The following PUDP variants were observed in gnomAD, a reference collection of about 807,000 sequenced individuals.
The protein encoded by PUDP is pseudouridine 5'-phosphatase, also known as pseudouridine-5'-phosphatase.
A neutral mutation model predicts 9.4 loss-of-function variants in PUDP; 8 were observed. The ratio of observed to expected loss-of-function variants is 0.85; its 90% CI spans 0.50 to 1.53. PUDP has a LOEUF of 1.53. PUDP is among the 40% of genes most tolerant of loss of function. The pLI, the probability that PUDP is intolerant of heterozygous loss-of-function variation, is 0.00. For synonymous variants in PUDP, 99 were observed against 80.7 expected, an observed-to-expected ratio of 1.23 and a Z score of -1.22; for missense variants, 188 against 189.7, an observed-to-expected ratio of 0.99 and a Z score of 0.05.
intron 3 of PUDP, among the ~76,000 whole-genome samples, chrX:7,070,032 C>G (rs1422895557): frequency 8.9e-6 from 1 of 112,051 alleles, no homozygotes; most frequent in African/African-American, 3.2e-5. Flanking sequence ...TATGTAAATA[C>G]AAATCTATCT....
At chrX:6,872,700 A>G (rs1927194016) in intron 3 of PUDP, among the ~76,000 whole-genome samples, 1 of 90,417 alleles carries the variant, frequency 1.1e-5, no homozygotes, top group Admixed American at 1.4e-4. Flanking sequence ...TTCCATTAAA[A>G]AAAAAAAAAA....
chrX:6,810,055 G>C (rs965952081), intron 3 of PUDP, among the ~76,000 whole-genome samples: 10 of 103,928 alleles, frequency 9.6e-5, no homozygotes, highest in Non-Finnish European at 1.4e-4. Flanking sequence ...ACTCCAACCT[G>C]AAGAACAGAG....
intron 3 of PUDP, among the ~76,000 whole-genome samples, chrX:6,868,515 A>T (rs7473333): frequency 0.093 from 10,363 of 111,814 alleles, 606 homozygotes; most frequent in East Asian, 0.46. Context: ...TCATAACAAT[A>T]TTTTCCATCA....
intron 3 of PUDP, among the ~76,000 whole-genome samples, chrX:6,787,341 GTC>G (rs1283212502): frequency 3.1e-4 from 35 of 112,189 alleles, no homozygotes; most frequent in African/African-American, 9.4e-4. Flanking sequence ...AAACATCTGT[GTC>G]TCTGCTATTG....
At chrX:6,756,468 G>A (rs982238677) in intron 3 of PUDP, among the ~76,000 whole-genome samples, 7 of 112,348 alleles carry the variant, frequency 6.2e-5, no homozygotes, top group African/African-American at 2.3e-4. Context: ...CCTTCTTTTG[G>A]GAATGCTGAA....
At chrX:6,731,267 C>T (rs1432958617) in intron 3 of PUDP, among the ~76,000 whole-genome samples, 1 of 111,165 alleles carries the variant, frequency 9.0e-6, no homozygotes, top group Non-Finnish European at 1.9e-5. Context: ...GAGACAAGGT[C>T]TTGCTATGTT....
chrX:6,768,118 G>T (rs185069223), intron 3 of PUDP, among the ~76,000 whole-genome samples: 314 of 111,935 alleles, frequency 2.8e-3, no homozygotes, highest in Non-Finnish European at 4.8e-3. Flanking sequence ...TGGAATTTTA[G>T]GTAGCTCTAC....
intron 1 of PUDP, among the ~76,000 whole-genome samples, chrX:6,710,401 G>A (rs1280848494): frequency 1.8e-5 from 2 of 111,103 alleles, no homozygotes; most frequent in African/African-American, 3.3e-5. Flanking sequence ...TGAAGACCTC[G>A]CCACCCTTCC....
intron 1 of PUDP, chrX:7,113,067 C>T (rs1445966115): frequency 6.2e-5 from 7 of 112,972 alleles, no homozygotes; most frequent in African/African-American, 2.3e-4. Flanking sequence ...CTTGCTTGCA[C>T]TTCCTTCTGC....
chrX:7,142,261 C>CATTCATG (rs1192898515), intron 1 of PUDP, among the ~76,000 whole-genome samples: 22 of 112,599 alleles, frequency 2.0e-4, no homozygotes, highest in Non-Finnish European at 3.6e-4. Context: ...CCATTCACAA[C>CATTCATG]ATTCATGATC....
At position 6,940,423 on chromosome X, in the gene PUDP, G is replaced by C. The variant is rs372669097; in HGVS notation, c.*247+36710C>G. Among the ~76,000 whole-genome samples, 7 of 112,480 alleles carry C rather than the reference G, an allele frequency of 6.2e-5. No individual in the cohort carries two copies. In the East Asian group the frequency reaches 1.7e-3, roughly 27 times the overall value. ...TTGAGGCAATTACAGGTGTTGATGG[G>C]AATCAGCAACATCAGGCCAGAGTGA... On this transcript the variant is annotated intron_variant and NMD_transcript_variant, in intron 3 of 3. Transcript: ENST00000655425.
chrX:7,138,909 T>TTTTTA, intron 1 of PUDP, among the ~76,000 whole-genome samples: 1 of 63,265 alleles, frequency 1.6e-5, no homozygotes, highest in East Asian at 5.3e-4. Flanking sequence ...AGATCTTTTT[T>TTTTTA]AATACAGTCT....
chrX:7,091,028 T>C (rs189549012), intron 2 of PUDP, among the ~76,000 whole-genome samples: 1 of 111,982 alleles, frequency 8.9e-6, no homozygotes, highest in East Asian at 2.8e-4. Flanking sequence ...AGTTTTACGT[T>C]GATATGAGAA....
chrX:7,114,604 C>T (rs1408780535), intron 1 of PUDP, among the ~76,000 whole-genome samples: 1 of 111,248 alleles, frequency 9.0e-6, no homozygotes, highest in Non-Finnish European at 1.9e-5. Flanking sequence ...CACAGCAGGC[C>T]CTACCCCAGA....
chrX:6,893,950 G>A (rs1001098632), intron 3 of PUDP, among the ~76,000 whole-genome samples: 5 of 111,659 alleles, frequency 4.5e-5, no homozygotes, highest in East Asian at 2.8e-4. Context: ...CCTTTGCAGC[G>A]ACATGAATGA....
rs747364295 is a variant in PUDP at position 6,809,410 on chromosome X, A to G, written c.*248-102944T>C. ...ACTCCTATGCTCAAGGGAGCATAGG[A>G]GTTTGCTCCCCAGTAGCTGGGACTA... is the stretch of plus-strand genomic sequence containing the variant. On this transcript the variant is annotated intron_variant and NMD_transcript_variant, in intron 3 of 3. Transcript: ENST00000655425. Among the ~76,000 whole-genome samples the G allele has an allele frequency of 2.8e-5, 3 of 109,072 alleles. No individual in the cohort carries two copies. In the South Asian group the frequency reaches 1.2e-3, roughly 45 times the overall value. 94.7% of individuals were successfully genotyped at this position (109,072 alleles called of 115,157 possible). A position where few individuals can be genotyped will look rare whatever the true frequency, so the allele number is the denominator to read the frequency against.
At chrX:6,732,514 A>G (rs1012383690) in intron 3 of PUDP, among the ~76,000 whole-genome samples, 3 of 106,154 alleles carry the variant, frequency 2.8e-5, no homozygotes, top group Non-Finnish European at 5.8e-5. Flanking sequence ...AGCTTAAATT[A>G]GAGGCACACG....
At chrX:6,996,807 A>C (rs2146807340) in intron 1 of PUDP, among the ~76,000 whole-genome samples, 1 of 107,969 alleles carries the variant, frequency 9.3e-6, no homozygotes, top group South Asian at 4.2e-4. Flanking sequence ...AGGTGGGATT[A>C]CAGGTACTCA....
chrX:6,838,301 C>T (rs1023368321), intron 3 of PUDP, among the ~76,000 whole-genome samples: 37 of 112,615 alleles, frequency 3.3e-4, no homozygotes, highest in Non-Finnish European at 4.3e-4. Context: ...CTCTGCAAAT[C>T]GAGCTTGAAT....
Sources: gnomAD v4.1 joint callset for allele counts (sites outside exome capture counted in the v4.1 genomes callset) on GRCh38, gnomAD v4.1.1 for gene constraint, MANE v1.5 for transcripts, NCBI Gene and HGNC (gene_info 2026-07-23, HGNC 2026-07-21) for gene names.